OMA1: variants seen among roughly 807,000 people sequenced by gnomAD.
OMA1 encodes metalloendopeptidase OMA1, mitochondrial.
In OMA1, 38 loss-of-function variants were observed where a neutral mutation model predicts 30.9. The observed-to-expected ratio is 1.23, with a 90% CI of 0.95 to 1.61. The LOEUF (loss-of-function observed/expected upper bound fraction) is 1.61. Ranked by LOEUF, OMA1 falls within the 40% of genes most tolerant of loss-of-function variation. OMA1 has a pLI of 0.00. For missense variants in OMA1, 461 were observed against 349.2 expected (o/e 1.32, Z -2.55); for synonymous variants, 173 against 121.9 (o/e 1.42, Z -2.76).
At chr1:58,481,844 CT>C (rs1190123310) in intron 8 of OMA1, among the ~76,000 whole-genome samples, 10 of 152,174 alleles carry the variant, frequency 6.6e-5, no homozygotes, top group African/African-American at 2.4e-4. Flanking sequence ...TAAGACATGA[CT>C]TTTCTCCTCA....
At chr1:58,518,809 CA>C (rs1177438030) in intron 7 of OMA1, among the ~76,000 whole-genome samples, 1 of 152,056 alleles carries the variant, frequency 6.6e-6, no homozygotes, top group Non-Finnish European at 1.5e-5. Flanking sequence ...GAGGAGATAG[CA>C]GACAGTCCTT....
chr1:58,512,891 G>A (rs1345966052), intron 7 of OMA1, among the ~76,000 whole-genome samples: 1 of 150,360 alleles, frequency 6.7e-6, no homozygotes, highest in Non-Finnish European at 1.5e-5. Flanking sequence ...TAGATCTCAT[G>A]TTAAATGTAC....
chr1:58,534,405 A>C, intron 3 of OMA1, 74 bp from the exon 4 acceptor site: 3 of 669,008 alleles, frequency 4.5e-6, no homozygotes, highest in Non-Finnish European at 7.7e-6. Flanking sequence ...GGAAAGTTAT[A>C]TGGCTACTTA....
Position 58,524,490 on chromosome 1 carries a change from T to C in OMA1, c.1215+2771A>G, listed in dbSNP as rs75838338. Among the ~76,000 whole-genome samples the C allele has an allele frequency of 8.3e-3, 1,260 of 152,340 alleles. 15 individuals are homozygous for C. Among genetic ancestry groups the C allele is most frequent in the African/African-American group, 0.028 (1,177 of 41,574 alleles). On this transcript the variant is annotated intron_variant, in intron 7 of 8. Transcript: ENST00000371226. ...ATTAGAGTCTATAGATAGGCCTTTC[T>C]TATGGCAATCCTGCACCCACATAAA...
At chr1:58,520,715 GAC>G (rs1364315925) in intron 7 of OMA1, among the ~76,000 whole-genome samples, 1 of 152,038 alleles carries the variant, frequency 6.6e-6, no homozygotes, top group Non-Finnish European at 1.5e-5. Flanking sequence ...TATTACTAGA[GAC>G]AGTGATTTTA....
At chr1:58,488,897 A>G (rs1645624499) in intron 8 of OMA1, among the ~76,000 whole-genome samples, 1 of 152,194 alleles carries the variant, frequency 6.6e-6, no homozygotes, top group African/African-American at 2.4e-5. Context: ...ATGTACAGAT[A>G]TTTTTGTCCA....
At position 58,530,656 on chromosome 1, in the gene OMA1, C is replaced by G; in HGVS notation, c.1085G>C (p.Cys362Ser). 1.1e-6 allele frequency: 1 copy of G among 872,792 alleles called. No individual in the cohort carries two copies. The highest frequency in any genetic ancestry group is 1.7e-5 in the Admixed American group (1 of 59,186). 54.1% of individuals were successfully genotyped at this position (872,792 alleles called of 1,614,324 possible). ...CAAAAGTGCCAAGCTATCTCGAGGA[C>G]AAATGGCCCAAATCATTGTGAGGAA... ...MIFLTMIWAI[C>S]PRDSLALLCQ... The change falls in exon 6 of 9, where the codon TGT becomes TCT. Residue 362 changes from cysteine to serine, a missense_variant. Physicochemically the swap from Cys to Ser is moderately radical, Grantham distance 112 (BLOSUM62 -1). Coordinates refer to ENST00000371226, the MANE Select transcript of OMA1 (RefSeq NM_145243.5).
chr1:58,490,342 G>A (rs558070860), intron 8 of OMA1, among the ~76,000 whole-genome samples: 10 of 152,318 alleles, frequency 6.6e-5, no homozygotes, highest in South Asian at 2.1e-4. Context: ...AAAGGTATCA[G>A]TGATGGAAGA....
chr1:58,494,777 T>C (rs1293020352), intron 8 of OMA1, among the ~76,000 whole-genome samples: 1 of 152,148 alleles, frequency 6.6e-6, no homozygotes, highest in Admixed American at 6.5e-5. Flanking sequence ...CTACAGGTGC[T>C]GGAGAGGATG....
intron 1 of OMA1, among the ~76,000 whole-genome samples, chr1:58,545,215 A>G (rs1336728824): frequency 2.0e-5 from 3 of 152,186 alleles, no homozygotes; most frequent in Non-Finnish European, 4.4e-5. Flanking sequence ...ACATCTATTC[A>G]CACTGCTTAG....
chr1:58,492,874 C>G (rs1196561901), intron 8 of OMA1, among the ~76,000 whole-genome samples: 1 of 152,156 alleles, frequency 6.6e-6, no homozygotes, highest in African/African-American at 2.4e-5. Flanking sequence ...TGAAACTATT[C>G]CAATCAACAG....
At chr1:58,487,656 T>C (rs1315725051) in intron 8 of OMA1, among the ~76,000 whole-genome samples, 2 of 152,196 alleles carry the variant, frequency 1.3e-5, no homozygotes, top group Admixed American at 6.5e-5. Context: ...GTTTTTTAAA[T>C]TTGATTTATT....
At chr1:58,532,583 A>C (rs1005545510) in intron 5 of OMA1, among the ~76,000 whole-genome samples, 1 of 152,164 alleles carries the variant, frequency 6.6e-6, no homozygotes, top group African/African-American at 2.4e-5. Flanking sequence ...GCTAGAGTGC[A>C]GTGGTGCGAT....
chr1:58,512,512 G>A (rs149563690), intron 7 of OMA1, among the ~76,000 whole-genome samples: 78 of 152,208 alleles, frequency 5.1e-4, no homozygotes, highest in South Asian at 3.7e-3. Context: ...GTTCATCAGC[G>A]AATGAACAGA....
intron 7 of OMA1, among the ~76,000 whole-genome samples, chr1:58,526,326 A>G (rs1646349205): frequency 6.6e-6 from 1 of 152,148 alleles, no homozygotes; most frequent in Non-Finnish European, 1.5e-5. Flanking sequence ...AATTAAATCC[A>G]TAAAACTTAT....
intron 8 of OMA1, among the ~76,000 whole-genome samples, chr1:58,495,409 T>TA (rs1645782795): frequency 1.3e-5 from 2 of 152,158 alleles, no homozygotes; most frequent in Non-Finnish European, 2.9e-5. Context: ...CCCTAAAACT[T>TA]AAAGTATAAT....
chr1:58,524,658 T>C (rs1646321699), intron 7 of OMA1, among the ~76,000 whole-genome samples: 1 of 152,240 alleles, frequency 6.6e-6, no homozygotes, highest in Non-Finnish European at 1.5e-5. Flanking sequence ...TATGTTGAAA[T>C]GGCAGGCAAC....
chr1:58,510,880 T>A (rs1646065276), intron 7 of OMA1, among the ~76,000 whole-genome samples: 2 of 151,886 alleles, frequency 1.3e-5, no homozygotes, highest in Admixed American at 1.3e-4. Context: ...ACAGGAAAAT[T>A]AAAAAGAATA....
At chr1:58,481,591 A>G (rs1645483362) in intron 8 of OMA1, among the ~76,000 whole-genome samples, 2 of 152,202 alleles carry the variant, frequency 1.3e-5, no homozygotes, top group South Asian at 2.1e-4. Context: ...AAAGATATAC[A>G]TAACTGATAC....
Sources: allele counts gnomAD v4.1 joint callset (sites outside exome capture counted in the v4.1 genomes callset), GRCh38; gene constraint gnomAD v4.1.1; transcripts MANE v1.5; gene names NCBI Gene and HGNC (gene_info 2026-07-23, HGNC 2026-07-21).